POGZ: variants seen among roughly 807,000 people sequenced by gnomAD.
POGZ encodes pogo transposable element with ZNF domain.
A neutral mutation model predicts 134.6 loss-of-function variants in POGZ; 17 were observed. The observed-to-expected ratio is 0.13, with a 90% CI of 0.09 to 0.19. POGZ has a LOEUF of 0.19. POGZ is among the 10% of genes least tolerant of loss of function. The pLI is 1.00. For synonymous variants in POGZ, 693 were observed against 657.1 expected (o/e 1.05, Z -0.84); for missense variants, 1,306 against 1,769.7 (o/e 0.74, Z 4.70).
At chr1:151,455,472 G>A (rs1162951878) in intron 1 of POGZ, among the ~76,000 whole-genome samples, 1 of 152,130 alleles carries the variant, frequency 6.6e-6, no homozygotes, top group Non-Finnish European at 1.5e-5. Flanking sequence ...CAGAAACATA[G>A]GACTGACTGA....
chr1:151,414,697 G>A (rs529742258), intron 10 of POGZ, among the ~76,000 whole-genome samples: 4 of 152,098 alleles, frequency 2.6e-5, no homozygotes, highest in Admixed American at 6.5e-5. Context: ...CAAGAGAATC[G>A]CTTGAAGCTG....
At chr1:151,440,885 C>G (rs370322196) in intron 3 of POGZ, 43 bp downstream of exon 3, 1 of 1,559,332 alleles carries the variant, frequency 6.4e-7, no homozygotes, top group African/African-American at 1.4e-5. Context: ...TATTCTTTCA[C>G]CCCTCTAGCC....
chr1:151,434,781 A>G (rs1372816873), intron 3 of POGZ, among the ~76,000 whole-genome samples: 1 of 151,790 alleles, frequency 6.6e-6, no homozygotes, highest in Non-Finnish European at 1.5e-5. Context: ...ACGGGGTTTT[A>G]CCATGTTGGC....
At chr1:151,411,861 T>A in intron 11 of POGZ, 90 bp from the exon 12 acceptor site, 2 of 1,195,038 alleles carry the variant, frequency 1.7e-6, no homozygotes, top group Non-Finnish European at 2.3e-6. Context: ...AATTTTTAAA[T>A]TAAAAAAAAA....
intron 4 of POGZ, 102 bp downstream of exon 4, chr1:151,430,564 T>A: frequency 1.2e-6 from 1 of 858,550 alleles, no homozygotes; most frequent in Middle Eastern, 2.7e-4. Flanking sequence ...AAGACAAGAC[T>A]TAGAACCACT....
intron 15 of POGZ, among the ~76,000 whole-genome samples, chr1:151,407,855 C>CA (rs895367180): frequency 4.0e-5 from 6 of 151,480 alleles, no homozygotes; most frequent in African/African-American, 1.5e-4. Flanking sequence ...ACTAAAAATA[C>CA]AAAAAAATCA....
chr1:151,434,404 G>A (rs1411304666), intron 3 of POGZ, among the ~76,000 whole-genome samples: 1 of 152,066 alleles, frequency 6.6e-6, no homozygotes, highest in Non-Finnish European at 1.5e-5. Context: ...AGCCTGGGAG[G>A]TGGAGGGTGC....
chr1:151,414,600 T>C (rs1312009805), intron 10 of POGZ, among the ~76,000 whole-genome samples: 3 of 152,140 alleles, frequency 2.0e-5, no homozygotes, highest in South Asian at 2.1e-4. Flanking sequence ...CTGACCAACA[T>C]GGAGAAACCC....
intron 12 of POGZ, among the ~76,000 whole-genome samples, chr1:151,411,308 C>T (rs938310609): frequency 6.6e-6 from 1 of 152,190 alleles, no homozygotes; most frequent in African/African-American, 2.4e-5. Context: ...CATTCTTATT[C>T]ATCCCTCAGG....
Position 151,408,471 on chromosome 1 carries a change from A to G in POGZ, c.2172T>C (p.Pro724=), listed in dbSNP as rs767350904. The G allele has an allele frequency of 1.3e-6, 2 of 1,593,322 alleles. No homozygotes were observed. The highest frequency in any genetic ancestry group is 3.9e-5 in the Admixed American group (2 of 51,838). Residue 724 remains proline (P), a synonymous_variant, in exon 14 of 19, where the codon CCT becomes CCC. Transcript: ENST00000271715. ...CAGGGGGATAAAGGAAGACAGGCAG[A>G]GGGTCCATTGAGGAGGTCAGCGGTG... ...EAAPLTSSMD[P]LPVFLYPPVQ... is the part of the protein sequence containing the mutation.
At chr1:151,458,394 T>G (rs186441298) in intron 1 of POGZ, among the ~76,000 whole-genome samples, 166 of 151,992 alleles carry the variant, frequency 1.1e-3, no homozygotes, top group African/African-American at 3.9e-3. Flanking sequence ...CAAAAGAAAT[T>G]TGGGGACCGA....
intron 1 of POGZ, among the ~76,000 whole-genome samples, chr1:151,452,756 C>T (rs902784848): frequency 2.0e-5 from 3 of 151,184 alleles, no homozygotes; most frequent in African/African-American, 2.4e-5. Flanking sequence ...CCCAGCTACT[C>T]GGAAGGCTGA....
rs565198915 is a variant in POGZ, at chr1:151,435,979, G to C, written c.283+4949C>G. Among the ~76,000 whole-genome samples, 169 of 120,000 alleles carry C rather than the reference G, an allele frequency of 1.4e-3. 1 individual carries two copies. The highest frequency in any genetic ancestry group is 5.0e-3 in the African/African-American group (165 of 33,228). 78.7% of individuals were successfully genotyped at this position (120,000 alleles called of 152,430 possible). A position where few individuals can be genotyped will look rare whatever the true frequency, so the allele number is the denominator to read the frequency against. On this transcript the variant is annotated intron_variant, in intron 3 of 18. Coordinates refer to ENST00000271715, the MANE Select transcript of POGZ (RefSeq NM_015100.4). The stretch of plus-strand genomic sequence containing the variant: ...TTTTCTTTTTTTTTTTTTTTGAGAT[G>C]GAGTTTCGCTCTTGTTGCCCAGGCT...
chr1:151,423,966 C>G lies in POGZ; in HGVS notation c.1506G>C (p.Arg502Ser). Residue 502 changes from arginine to serine, a missense_variant, in exon 9 of 19, where the codon AGG (arginine) becomes AGC (serine). By Grantham distance (110) the Arg-to-Ser change is moderately radical. Coordinates refer to ENST00000271715, the MANE Select transcript of POGZ (RefSeq NM_015100.4). Reference sequence around the variant, plus strand: ...ACACTTACCGAATATTGTTTTTTAGCCTTTTGGTACAATGTGGGCATCGGA... The same window carrying G: ...ACACTTACCGAATATTGTTTTTTAGGCTTTTGGTACAATGTGGGCATCGGA... ...TSFRCPHCTK[R>S]LKNNIRFMNH... 1 of 1,613,150 alleles carries G rather than the reference C, an allele frequency of 6.2e-7. No homozygotes were observed. The highest frequency in any genetic ancestry group is 8.5e-7 in the Non-Finnish European group (1 of 1,179,462).
In POGZ at chr1:151,417,436, C is replaced by A. The variant is rs907128323; in HGVS notation, c.1679-5040G>T. On this transcript the variant is annotated intron_variant, in intron 10 of 18. Coordinates refer to ENST00000271715, the MANE Select transcript of POGZ (RefSeq NM_015100.4). ...AGTGCAATGGTGTGATCTCAGCTTA[C>A]TGCAACCTCCGCCTCCCGGGTTCAA... 1.7e-4 allele frequency among the ~76,000 whole-genome samples: 25 copies of A among 151,508 alleles called. 1 individual carries two copies. The highest frequency in any genetic ancestry group is 2.9e-5 in the Non-Finnish European group (2 of 67,958).
intron 1 of POGZ, among the ~76,000 whole-genome samples, chr1:151,452,398 T>C (rs1662229894): frequency 6.6e-6 from 1 of 151,928 alleles, no homozygotes; most frequent in Non-Finnish European, 1.5e-5. Context: ...TCCCCCAGGC[T>C]GGAGTGCAGT....
intron 10 of POGZ, among the ~76,000 whole-genome samples, chr1:151,418,425 C>G (rs1656174774): frequency 6.6e-6 from 1 of 151,828 alleles, no homozygotes; most frequent in African/African-American, 2.4e-5. Context: ...TGGTGGTTAC[C>G]AGAGGCTGGG....
chr1:151,444,743 A>AT (rs1216665458), intron 1 of POGZ, among the ~76,000 whole-genome samples: 1 of 152,168 alleles, frequency 6.6e-6, no homozygotes, highest in Admixed American at 6.5e-5. Flanking sequence ...TCAGTTCTTT[A>AT]TTTTATAAAG....
rs545926152 is a variant in POGZ at position 151,423,668 on chromosome 1, C to T, written c.1524-117G>A. 7.4e-5 allele frequency: 60 copies of T among 813,154 alleles called. No individual in the cohort carries two copies. The East Asian group carries it at 1.5e-3, about 21-fold the overall frequency. The allele number at this position is 813,154 out of a possible 1,614,324, so 50.4% of individuals were successfully genotyped here. On this transcript the variant is annotated intron_variant, in intron 9 of 18. Transcript: ENST00000271715. ...CTGCTCCCCTCCATTCCCCAGACTT[C>T]CTGTTTGGGATATCCTTTTCTGAGC...
Sources: gnomAD v4.1 joint callset for allele counts (sites outside exome capture counted in the v4.1 genomes callset) on GRCh38, gnomAD v4.1.1 for gene constraint, MANE v1.5 for transcripts, NCBI Gene and HGNC (gene_info 2026-07-23, HGNC 2026-07-21) for gene names.